Variants in BRI3BP observed in about 807,000 individuals in gnomAD.
The protein encoded by BRI3BP is BRI3 binding protein, also known as BRI3-binding protein.
BRI3BP carries 7 observed loss-of-function variants against 15.8 expected under a neutral mutation model. The ratio of observed to expected loss-of-function variants is 0.44; its 90% confidence interval spans 0.25 to 0.83. The LOEUF (loss-of-function observed/expected upper bound fraction) is 0.83. Among genes scored for constraint, BRI3BP ranks in the 40% least tolerant of loss-of-function variants. BRI3BP has a pLI of 0.20. For missense variants in BRI3BP, 320 were observed against 339.3 expected, an observed-to-expected ratio of 0.94 and a Z score of 0.45; for synonymous variants, 192 against 163.5, an observed-to-expected ratio of 1.17 and a Z score of -1.33.
At chr12:124,997,832 T>C (rs1955053588) in intron 1 of BRI3BP, among the ~76,000 whole-genome samples, 3 of 151,548 alleles carry the variant, frequency 2.0e-5, no homozygotes, top group African/African-American at 7.3e-5. Context: ...CTACTAAAAA[T>C]ACAAAAATTA....
intron 2 of BRI3BP, among the ~76,000 whole-genome samples, chr12:125,021,780 C>A (rs1955301229): frequency 6.6e-6 from 1 of 152,118 alleles, no homozygotes; most frequent in Non-Finnish European, 1.5e-5. Flanking sequence ...CACTCACTTT[C>A]ATGAGAATAG....
intron 1 of BRI3BP, among the ~76,000 whole-genome samples, chr12:125,005,415 A>G (rs780003673): frequency 5.8e-4 from 89 of 152,238 alleles, no homozygotes; most frequent in Non-Finnish European, 8.5e-4. Context: ...GGCTGGGTGC[A>G]TCCTCATGGT....
chr12:125,021,455 C>A (rs1201611987), intron 2 of BRI3BP, among the ~76,000 whole-genome samples: 2 of 152,162 alleles, frequency 1.3e-5, no homozygotes, highest in Admixed American at 6.5e-5. Flanking sequence ...ATAATCCCAG[C>A]ACTTAGGGAA....
In BRI3BP at chr12:125,027,656, TG is replaced by T. The variant is rs1955367646; in HGVS notation, c.*2227del. 1 of 151,836 alleles carries T rather than the reference TG, an allele frequency of 6.6e-6. No homozygotes were observed. The highest frequency in any genetic ancestry group is 1.5e-5 in the Non-Finnish European group (1 of 67,970). The allele number at this position is 151,836 out of a possible 1,614,324, so 9.4% of individuals were successfully genotyped here. A position where few individuals can be genotyped will look rare whatever the true frequency, so the allele number is the denominator to read the frequency against. ...CCACACTCTAGCCTCAGCAACAGAG[TG>T]AGACTCCGTCTCAAAAAAAATTATT... On this transcript the variant is annotated 3_prime_UTR_variant, in exon 3 of 3. Transcript: ENST00000341446.
intron 1 of BRI3BP, among the ~76,000 whole-genome samples, chr12:124,999,195 G>T (rs184607943): frequency 6.6e-6 from 1 of 152,226 alleles, no homozygotes; most frequent in East Asian, 1.9e-4. Flanking sequence ...ATGCCAGGTC[G>T]AGAAACTAGT....
At chr12:125,040,697 G>T in the BRI3BP span, among the ~76,000 whole-genome samples, 1 of 151,406 alleles carries the variant, frequency 6.6e-6, no homozygotes, top group East Asian at 2.0e-4. Flanking sequence ...ACATGGAATG[G>T]GTTTATCTTT....
chr12:125,036,563 A>G, the BRI3BP span, among the ~76,000 whole-genome samples: 2 of 131,696 alleles, frequency 1.5e-5, no homozygotes, highest in African/African-American at 5.1e-5. Context: ...CCATGAAACA[A>G]CAGCTAGCAC....
chr12:125,044,473 A>T, the BRI3BP span, among the ~76,000 whole-genome samples: 2 of 144,524 alleles, frequency 1.4e-5, no homozygotes, highest in African/African-American at 2.6e-5. Context: ...TTTTTGAGAC[A>T]GGGTCTTGTT....
At chr12:125,024,966 C>T in intron 2 of BRI3BP, 25 bp from the exon 3 acceptor site, 1 of 1,587,912 alleles carries the variant, frequency 6.3e-7, no homozygotes, top group South Asian at 1.1e-5. Context: ...CGTAACGAGC[C>T]CTGTTCCTCT....
At chr12:125,031,385 A>G (rs1485959667), downstream of BRI3BP, among the ~76,000 whole-genome samples, 1 of 152,082 alleles carries the variant, frequency 6.6e-6, no homozygotes, top group Non-Finnish European at 1.5e-5. Flanking sequence ...TTTGAATTTC[A>G]GATAAACAAC....
At chr12:125,018,382 T>C (rs1269949472) in intron 2 of BRI3BP, among the ~76,000 whole-genome samples, 1 of 152,164 alleles carries the variant, frequency 6.6e-6, no homozygotes, top group Non-Finnish European at 1.5e-5. Flanking sequence ...GTGTCATTTG[T>C]TAAGATGAGG....
the BRI3BP span, among the ~76,000 whole-genome samples, chr12:125,038,061 G>C: frequency 6.6e-6 from 1 of 152,012 alleles, no homozygotes. Context: ...GGGAGGCCAA[G>C]GTGAGTGGAT....
At chr12:125,039,641 T>C in the BRI3BP span, among the ~76,000 whole-genome samples, 3,022 of 131,706 alleles carry the variant, frequency 0.023, 95 homozygotes, top group African/African-American at 0.071. Flanking sequence ...CATTGGAATG[T>C]TATTCCAATA....
chr12:125,049,419 C>T, the BRI3BP span, among the ~76,000 whole-genome samples: 4,146 of 152,194 alleles, frequency 0.027, 71 homozygotes, highest in Non-Finnish European at 0.04. Flanking sequence ...TATTTGAATA[C>T]GCATACGGAA....
the BRI3BP span, among the ~76,000 whole-genome samples, chr12:125,048,875 A>C: frequency 6.6e-6 from 1 of 152,130 alleles, no homozygotes; most frequent in Non-Finnish European, 1.5e-5. Context: ...TGCTCACCCC[A>C]TAGCCAAGTA....
chr12:125,050,351 A>G, the BRI3BP span, among the ~76,000 whole-genome samples: 1 of 147,700 alleles, frequency 6.8e-6, no homozygotes, highest in African/African-American at 2.4e-5. Context: ...CTCCGTCTCA[A>G]AAAAAAAAAA....
At chr12:125,016,533 G>C (rs555071769) in intron 2 of BRI3BP, among the ~76,000 whole-genome samples, 3 of 148,376 alleles carry the variant, frequency 2.0e-5, no homozygotes, top group African/African-American at 7.4e-5. Flanking sequence ...GGTGGGGAGT[G>C]GGGGGTAGGA....
chr12:125,020,400 G>A (rs1254659436), intron 2 of BRI3BP, among the ~76,000 whole-genome samples: 2 of 152,142 alleles, frequency 1.3e-5, no homozygotes, highest in African/African-American at 4.8e-5. Flanking sequence ...CTCTTTATAA[G>A]GGCACTAAAC....
chr12:125,048,537 CTG>C, the BRI3BP span, among the ~76,000 whole-genome samples: 2 of 146,858 alleles, frequency 1.4e-5, no homozygotes. Context: ...ACATCACACT[CTG>C]GGGACTGTTG....
Sources: allele counts gnomAD v4.1 joint callset (sites outside exome capture counted in the v4.1 genomes callset), GRCh38; gene constraint gnomAD v4.1.1; transcripts MANE v1.5; gene names NCBI Gene and HGNC (gene_info 2026-07-23, HGNC 2026-07-21).